The following RARB variants were observed in gnomAD, a reference collection of about 807,000 sequenced individuals.
RARB encodes the protein HBV-activated protein.
RARB carries 17 observed loss-of-function variants against 51.9 expected under a neutral mutation model. That is an observed-to-expected ratio of 0.33 (90% CI 0.22 to 0.49). The LOEUF (loss-of-function observed/expected upper bound fraction) is 0.49. Ranked by LOEUF, RARB falls within the 20% of genes least tolerant of loss-of-function variation. The pLI, the probability that RARB is intolerant of heterozygous loss-of-function variation, is 0.99. For synonymous variants in RARB, 215 were observed against 195.4 expected (o/e 1.10, Z -0.84); for missense variants, 369 against 550.8 (o/e 0.67, Z 3.30).
intron 3 of RARB, among the ~76,000 whole-genome samples, chr3:25,545,529 C>T (rs897766251): frequency 1.3e-5 from 2 of 152,158 alleles, no homozygotes; most frequent in Admixed American, 6.5e-5. Flanking sequence ...GGCCATCCAA[C>T]GTTCACCCGC....
intron 5 of RARB, among the ~76,000 whole-genome samples, chr3:25,411,047 A>T (rs1193056382): frequency 2.0e-5 from 3 of 152,250 alleles, no homozygotes; most frequent in Non-Finnish European, 4.4e-5. Flanking sequence ...AGTGTCCCTT[A>T]TACAGTAAAT....
intron 2 of RARB, among the ~76,000 whole-genome samples, chr3:25,046,436 T>C (rs1364849902): frequency 4.6e-5 from 7 of 152,102 alleles, no homozygotes; most frequent in East Asian, 3.9e-4. Flanking sequence ...TAGGCTTCTA[T>C]TGGGGTATAA....
At chr3:25,366,171 C>A (rs1434920795) in intron 5 of RARB, among the ~76,000 whole-genome samples, 4 of 152,184 alleles carry the variant, frequency 2.6e-5, no homozygotes, top group African/African-American at 9.7e-5. Flanking sequence ...GTACCTGTTA[C>A]AGCCTTGTAA....
intron 5 of RARB, among the ~76,000 whole-genome samples, chr3:25,333,466 C>A (rs562602389): frequency 3.2e-4 from 49 of 152,060 alleles, no homozygotes; most frequent in African/African-American, 1.2e-3. Context: ...GGAAAACTGG[C>A]TAGCCATATG....
chr3:24,874,693 T>A (rs146919477), intron 2 of RARB, among the ~76,000 whole-genome samples: 454 of 151,970 alleles, frequency 3.0e-3, no homozygotes, highest in African/African-American at 0.01. Context: ...AGCTTTTTTC[T>A]TTTTTTTCTG....
rs191863958 is a variant in RARB, at chr3:24,954,924, C to T, written c.-380+96172C>T. 1.2e-3 allele frequency among the ~76,000 whole-genome samples: 190 copies of T among 152,170 alleles called. 1 individual carries two copies. The highest frequency in any genetic ancestry group is 4.3e-3 in the African/African-American group (179 of 41,540). ...AGGGGAGTGTTTTGGGGCTCTGGCC[C>T]GACGACAGTATCTAGGGGTGTGTTA... is the stretch of plus-strand genomic sequence containing the variant. On this transcript the variant is annotated intron_variant, in intron 2 of 11. Coordinates refer to the RARB transcript ENST00000383772.
At chr3:24,903,138 T>C (rs1477205783) in intron 2 of RARB, among the ~76,000 whole-genome samples, 2 of 152,076 alleles carry the variant, frequency 1.3e-5, no homozygotes, top group African/African-American at 4.8e-5. Flanking sequence ...AATAAAATAA[T>C]TTTAATACTT....
chr3:25,534,808 A>C (rs1186853844), intron 3 of RARB, among the ~76,000 whole-genome samples: 1 of 152,162 alleles, frequency 6.6e-6, no homozygotes, highest in Non-Finnish European at 1.5e-5. Context: ...GGGACAGGCT[A>C]ATGCTGGGCT....
chr3:25,448,838 C>T (rs1179372398), intron 1 of RARB, among the ~76,000 whole-genome samples: 1 of 152,108 alleles, frequency 6.6e-6, no homozygotes, highest in Non-Finnish European at 1.5e-5. Flanking sequence ...AAGTAGAGGG[C>T]ACAGTAAGGA....
At position 25,384,700 on chromosome 3, in the gene RARB, G is replaced by A. The variant is rs561813586; in HGVS notation, c.179-76493G>A. On this transcript the variant is annotated intron_variant, in intron 5 of 11. Coordinates refer to the RARB transcript ENST00000383772. ...TCACCGTGGCAGGAGGTGGGCTGAT[G>A]TGTGATATATTTGGCACCAGTGAGT... Among the ~76,000 whole-genome samples, 4 of 152,282 alleles carry A rather than the reference G, an allele frequency of 2.6e-5. No homozygotes were observed. In the South Asian group the frequency reaches 8.3e-4, roughly 32 times the overall value.
chr3:25,206,096 T>G (rs1392107732), intron 5 of RARB, among the ~76,000 whole-genome samples: 1 of 152,216 alleles, frequency 6.6e-6, no homozygotes, highest in East Asian at 1.9e-4. Flanking sequence ...ATGGGTTTTT[T>G]GGAACATAAC....
chr3:25,055,112 G>A lies in RARB; in HGVS notation c.-379-5013G>A, dbSNP rs567889956. On this transcript the variant is annotated intron_variant, in intron 2 of 11. Coordinates refer to the RARB transcript ENST00000383772. ...TATTCCATTCTGCTTTTGCTCAAAAGCAATTCTCAAGAGTAACAAATTAAA... is the reference window on the plus strand; with the variant it reads ...TATTCCATTCTGCTTTTGCTCAAAAACAATTCTCAAGAGTAACAAATTAAA... Among the ~76,000 whole-genome samples the A allele has an allele frequency of 1.5e-4, 23 of 152,200 alleles. No homozygotes were observed. The South Asian group carries it at 4.4e-3, about 29-fold the overall frequency.
At chr3:25,212,261 CTA>C (rs1701717063) in intron 5 of RARB, among the ~76,000 whole-genome samples, 1 of 152,162 alleles carries the variant, frequency 6.6e-6, no homozygotes, top group African/African-American at 2.4e-5. Context: ...ATAATATAGA[CTA>C]TGCTAAATTG....
chr3:25,508,299 G>A (rs180899208), intron 3 of RARB, among the ~76,000 whole-genome samples: 2 of 152,284 alleles, frequency 1.3e-5, no homozygotes, highest in East Asian at 3.9e-4. Flanking sequence ...GTCCCCATGG[G>A]TCGATTGGAT....
At chr3:25,545,833 C>G (rs78192825) in intron 3 of RARB, among the ~76,000 whole-genome samples, 6,289 of 152,250 alleles carry the variant, frequency 0.041, 164 homozygotes, top group Non-Finnish European at 0.062. Flanking sequence ...GTGAAGAATT[C>G]TTGAAAATCC....
intron 3 of RARB, among the ~76,000 whole-genome samples, chr3:25,550,025 A>T (rs1207462393): frequency 6.6e-6 from 1 of 152,186 alleles, no homozygotes; most frequent in Non-Finnish European, 1.5e-5. Flanking sequence ...TCTATTCAGG[A>T]TATGAGTTCA....
intron 2 of RARB, among the ~76,000 whole-genome samples, chr3:24,987,647 T>C (rs1394293511): frequency 2.6e-5 from 4 of 152,146 alleles, no homozygotes; most frequent in African/African-American, 9.7e-5. Context: ...AAGAGAAAAA[T>C]ATATGGGAAG....
At chr3:25,132,753 A>G (rs7641118) in intron 4 of RARB, among the ~76,000 whole-genome samples, 87,176 of 151,460 alleles carry the variant, frequency 0.58, 25,373 homozygotes, top group East Asian at 0.7. Context: ...TGAAATAAGT[A>G]TTTGAGGTGA....
chr3:25,081,158 A>G (rs1276648272), intron 3 of RARB, among the ~76,000 whole-genome samples: 1 of 152,084 alleles, frequency 6.6e-6, no homozygotes, highest in East Asian at 1.9e-4. Flanking sequence ...TTCTATTATA[A>G]TTTAATTCAA....
Sources: gnomAD v4.1 joint callset for allele counts (sites outside exome capture counted in the v4.1 genomes callset) on GRCh38, gnomAD v4.1.1 for gene constraint, MANE v1.5 for transcripts, NCBI Gene and HGNC (gene_info 2026-07-23, HGNC 2026-07-21) for gene names.